The following HIVEP3 variants were observed in gnomAD, a reference collection of about 807,000 sequenced individuals.
HIVEP3 encodes the protein HIVEP zinc finger 3.
In HIVEP3, 49 loss-of-function variants were observed where a neutral mutation model predicts 152.8. That is an observed-to-expected ratio of 0.32 (90% CI 0.26 to 0.41). The LOEUF (loss-of-function observed/expected upper bound fraction) is 0.41, where lower values mean the gene tolerates loss of function less well. Ranked by LOEUF, HIVEP3 falls within the 10% of genes least tolerant of loss-of-function variation. The pLI is 1.00. For synonymous variants in HIVEP3, 1,269 were observed against 1,289.0 expected (o/e 0.98, Z 0.33); for missense variants, 2,790 against 3,103.3 (o/e 0.90, Z 2.40).
In HIVEP3 at chr1:41,565,753, G is replaced by A. The variant is rs147721951; in HGVS notation, c.5207+9791C>T. Among the ~76,000 whole-genome samples the A allele has an allele frequency of 9.5e-3, 1,443 of 152,062 alleles. 23 individuals are homozygous for A. Among genetic ancestry groups the A allele is most frequent in the African/African-American group, 0.033 (1,361 of 41,464 alleles). Reference sequence around the variant, plus strand: ...TACATCCTCGTTGTAGCTCTCAGGGGACTACCAGGGGCTGCCCGAGACCCC... The same window carrying A: ...TACATCCTCGTTGTAGCTCTCAGGGAACTACCAGGGGCTGCCCGAGACCCC... On this transcript the variant is annotated intron_variant, in intron 5 of 8. Coordinates refer to ENST00000372583, the MANE Select transcript of HIVEP3 (RefSeq NM_024503.5).
intron 1 of HIVEP3, among the ~76,000 whole-genome samples, chr1:41,770,451 T>A (rs1648281652): frequency 6.6e-6 from 1 of 152,136 alleles, no homozygotes; most frequent in East Asian, 1.9e-4. Context: ...TGGCTTCTAA[T>A]GACAGATTAT....
At chr1:41,842,329 C>A (rs1301584486) in intron 1 of HIVEP3, among the ~76,000 whole-genome samples, 1 of 152,060 alleles carries the variant, frequency 6.6e-6, no homozygotes, top group Non-Finnish European at 1.5e-5. Context: ...GAGCCTGAAT[C>A]CCCCATTGGC....
At chr1:41,807,507 C>G (rs953773539) in intron 1 of HIVEP3, among the ~76,000 whole-genome samples, 8 of 152,058 alleles carry the variant, frequency 5.3e-5, no homozygotes, top group Admixed American at 5.2e-4. Context: ...ACACAGGATC[C>G]CTACAGAATC....
intron 1 of HIVEP3, among the ~76,000 whole-genome samples, chr1:41,972,028 G>A (rs1645232864): frequency 6.6e-6 from 1 of 152,148 alleles, no homozygotes; most frequent in Non-Finnish European, 1.5e-5. Flanking sequence ...GGACTTCCCA[G>A]CTTCCAGAAC....
chr1:41,962,832 T>C (rs552897331), intron 1 of HIVEP3, among the ~76,000 whole-genome samples: 1 of 152,320 alleles, frequency 6.6e-6, no homozygotes, highest in African/African-American at 2.4e-5. Context: ...ACAAAACCCA[T>C]TGTTGCAGGG....
intron 2 of HIVEP3, among the ~76,000 whole-genome samples, chr1:41,692,129 C>T (rs1646207272): frequency 6.6e-6 from 1 of 152,352 alleles, no homozygotes; most frequent in African/African-American, 2.4e-5. Flanking sequence ...CAGGCGCGAG[C>T]CACTGCGCCC....
At chr1:41,658,632 G>A (rs1645665717) in intron 2 of HIVEP3, among the ~76,000 whole-genome samples, 3 of 152,200 alleles carry the variant, frequency 2.0e-5, no homozygotes, top group Non-Finnish European at 4.4e-5. Flanking sequence ...TGCAGCGGAG[G>A]AAGCAGGGGC....
intron 1 of HIVEP3, among the ~76,000 whole-genome samples, chr1:41,832,428 G>A (rs773789934): frequency 1.6e-4 from 25 of 152,210 alleles, no homozygotes; most frequent in Non-Finnish European, 3.2e-4. Flanking sequence ...CTACTCGGGA[G>A]GCTGAGGTGG....
intron 1 of HIVEP3, among the ~76,000 whole-genome samples, chr1:42,005,416 G>A (rs575292669): frequency 1.4e-3 from 206 of 151,710 alleles, no homozygotes; most frequent in Admixed American, 0.013. Context: ...ACACATATGT[G>A]TATATATATA....
At position 41,831,605 on chromosome 1, in the gene HIVEP3, T is replaced by C. The variant is rs149669939; in HGVS notation, c.-801+86808A>G. On this transcript the variant is annotated intron_variant, in intron 1 of 8. Transcript: ENST00000372583. ...GTGAGACGCTGCAGTTAAGGATATG[T>C]TCAACATGGGGTTCATCAAAGCTTT... Among the ~76,000 whole-genome samples, 14 of 152,352 alleles carry C rather than the reference T, an allele frequency of 9.2e-5. No individual in the cohort carries two copies. The East Asian group carries it at 2.1e-3, about 23-fold the overall frequency.
intron 5 of HIVEP3, among the ~76,000 whole-genome samples, chr1:41,562,575 TTTCCTTCC>T (rs138592366): frequency 1.2e-4 from 15 of 129,666 alleles, no homozygotes; most frequent in Non-Finnish European, 2.1e-4. Flanking sequence ...CTTTCCTTCT[TTTCCTTCC>T]TTCCTTCCTT....
intron 1 of HIVEP3, among the ~76,000 whole-genome samples, chr1:41,711,913 C>A (rs1200447219): frequency 6.6e-6 from 1 of 152,216 alleles, no homozygotes; most frequent in East Asian, 1.9e-4. Context: ...CGGTGACCAA[C>A]CTTGGAGGTC....
At chr1:41,545,528 T>TACCATCACCACCACCACCATCACC (rs1334717673) in intron 5 of HIVEP3, among the ~76,000 whole-genome samples, 14 of 35,792 alleles carry the variant, frequency 3.9e-4, no homozygotes, top group Admixed American at 7.6e-4. Context: ...TCACCACCAC[T>TACCATCACCACCACCACCATCACC]ACCATCACCA....
intron 1 of HIVEP3, among the ~76,000 whole-genome samples, chr1:41,950,047 A>C (rs1428559470): frequency 6.6e-6 from 1 of 152,174 alleles, no homozygotes; most frequent in Admixed American, 6.5e-5. Flanking sequence ...CCTAGCTAGG[A>C]AGGTGACCGC....
chr1:41,780,665 G>T (rs188275954), intron 1 of HIVEP3, among the ~76,000 whole-genome samples: 16 of 152,304 alleles, frequency 1.1e-4, no homozygotes, highest in South Asian at 8.3e-4. Context: ...ATGCAGGACC[G>T]AACTGGAGGT....
At chr1:41,806,744 G>A (rs1331078808) in intron 1 of HIVEP3, among the ~76,000 whole-genome samples, 3 of 152,104 alleles carry the variant, frequency 2.0e-5, no homozygotes, top group Admixed American at 6.5e-5. Context: ...CGGGGCCAGC[G>A]GGACCACTCA....
chr1:41,803,942 T>C (rs1263163014), intron 1 of HIVEP3, among the ~76,000 whole-genome samples: 1 of 152,220 alleles, frequency 6.6e-6, no homozygotes, highest in Non-Finnish European at 1.5e-5. Flanking sequence ...GTCTTCATTG[T>C]TAGGAAGCAC....
At chr1:41,872,725 C>T (rs896221081) in intron 1 of HIVEP3, among the ~76,000 whole-genome samples, 6 of 152,122 alleles carry the variant, frequency 3.9e-5, no homozygotes, top group South Asian at 2.1e-4. Flanking sequence ...TTGCATGTGT[C>T]GGTAGTTTGT....
intron 2 of HIVEP3, among the ~76,000 whole-genome samples, chr1:41,668,984 A>G (rs1228372974): frequency 6.6e-6 from 1 of 151,876 alleles, no homozygotes; most frequent in Non-Finnish European, 1.5e-5. Flanking sequence ...AGCCTCTGCT[A>G]CTCTGCCTGG....
Sources: allele counts gnomAD v4.1 joint callset (sites outside exome capture counted in the v4.1 genomes callset), GRCh38; gene constraint gnomAD v4.1.1; transcripts MANE v1.5; gene names NCBI Gene and HGNC (gene_info 2026-07-23, HGNC 2026-07-21).